Variants in PSD3 observed in about 807,000 individuals in gnomAD.
PSD3 encodes the protein pleckstrin and Sec7 domain containing 3.
A neutral mutation model predicts 105.5 loss-of-function variants in PSD3; 49 were observed. The ratio of observed to expected loss-of-function variants is 0.46; its 90% CI spans 0.37 to 0.59. PSD3 has a LOEUF of 0.59. PSD3 is among the 20% of genes least tolerant of loss of function. The pLI is 0.00. For missense variants in PSD3, 1,561 were observed against 1,263.8 expected (o/e 1.24, Z -3.57); for synonymous variants, 557 against 457.8 (o/e 1.22, Z -2.77).
At chr8:18,539,463 G>C (rs780818301) in intron 15 of PSD3, among the ~76,000 whole-genome samples, 4 of 151,824 alleles carry the variant, frequency 2.6e-5, no homozygotes, top group Non-Finnish European at 5.9e-5. Flanking sequence ...TTTTTCCTAA[G>C]ACCGATTGTG....
Position 18,956,351 on chromosome 8 carries a change from G to A in PSD3, c.22-20209C>T, listed in dbSNP as rs192852917. 8.8e-3 allele frequency among the ~76,000 whole-genome samples: 1,332 copies of A among 152,218 alleles called. 10 individuals carry two copies. Among genetic ancestry groups the A allele is most frequent in the Non-Finnish European group, 0.014 (933 of 68,004 alleles). ...GTTCTGATCCAGCAGGTCTGGGGTG[G>A]GGCCTGACAGTCTGCATTTCTAACA... On this transcript the variant is annotated intron_variant, in intron 1 of 15. Coordinates refer to ENST00000327040, the MANE Select transcript of PSD3 (RefSeq NM_015310.4).
chr8:18,774,138 A>C (rs2129444622), intron 8 of PSD3, among the ~76,000 whole-genome samples: 1 of 152,116 alleles, frequency 6.6e-6, no homozygotes, highest in East Asian at 1.9e-4. Context: ...GATCCTCTAC[A>C]CACAAGATCA....
chr8:18,852,624 G>C (rs142662745), intron 4 of PSD3, among the ~76,000 whole-genome samples: 1 of 152,130 alleles, frequency 6.6e-6, no homozygotes, highest in Admixed American at 6.5e-5. Context: ...CCCAGCCCCC[G>C]TTGCCACTGA....
chr8:18,880,506 A>G lies in PSD3; in HGVS notation c.131-7773T>C, dbSNP rs73202146. Among the ~76,000 whole-genome samples the G allele has an allele frequency of 2.3e-3, 347 of 152,246 alleles. 1 individual carries two copies. The highest frequency in any genetic ancestry group is 3.8e-3 in the Non-Finnish European group (259 of 68,002). ...CTTCTGACAATAGTACAGGTGAGAG[A>G]CGGTGAGTGCTAGAGCCAGAACAAA... On this transcript the variant is annotated intron_variant, in intron 2 of 15. Coordinates refer to ENST00000327040, the MANE Select transcript of PSD3 (RefSeq NM_015310.4).
At chr8:18,987,567 C>T (rs1408653867) in intron 1 of PSD3, among the ~76,000 whole-genome samples, 1 of 151,902 alleles carries the variant, frequency 6.6e-6, no homozygotes. Flanking sequence ...GCCTGTAATC[C>T]CAGTACTTTG....
At chr8:18,698,513 G>C (rs1426528842) in intron 9 of PSD3, among the ~76,000 whole-genome samples, 1 of 152,124 alleles carries the variant, frequency 6.6e-6, no homozygotes, top group Admixed American at 6.6e-5. Context: ...GGTGGAGAAA[G>C]GGGGTCATGA....
intron 2 of PSD3, among the ~76,000 whole-genome samples, chr8:18,930,758 C>T (rs750023657): frequency 1.1e-4 from 17 of 151,808 alleles, no homozygotes; most frequent in Admixed American, 5.9e-4. Context: ...TTAGTAGAGA[C>T]GGGGTTTCAC....
chr8:18,940,439 G>A (rs34904426), intron 1 of PSD3: 14,958 of 152,220 alleles, frequency 0.098, 804 homozygotes, highest in Middle Eastern at 0.25. Flanking sequence ...TTCAAAGTAC[G>A]CTCAGACTAT....
chr8:18,739,322 T>C (rs1473481), intron 9 of PSD3, among the ~76,000 whole-genome samples: 70,501 of 151,974 alleles, frequency 0.46, 19,318 homozygotes, highest in Non-Finnish European at 0.61. Context: ...AAAATAGGTG[T>C]TCCCATACTT....
At chr8:18,671,597 T>C (rs1231768125) in intron 9 of PSD3, among the ~76,000 whole-genome samples, 2 of 152,132 alleles carry the variant, frequency 1.3e-5, no homozygotes, top group South Asian at 2.1e-4. Context: ...CCAGAAGCCA[T>C]TGTGTTCACA....
intron 1 of PSD3, among the ~76,000 whole-genome samples, chr8:19,037,838 T>C (rs1431215435): frequency 2.6e-5 from 4 of 151,926 alleles, no homozygotes; most frequent in Admixed American, 1.3e-4. Context: ...TAGTGGATCA[T>C]GAGACTTTTT....
intron 9 of PSD3, among the ~76,000 whole-genome samples, chr8:18,736,887 T>C (rs931653355): frequency 2.6e-5 from 4 of 152,222 alleles, no homozygotes; most frequent in Non-Finnish European, 4.4e-5. Flanking sequence ...CTGATGGCAA[T>C]GAGCATTCTT....
Position 18,872,264 on chromosome 8 carries a change from T to G in PSD3, c.600A>C (p.Ser200=), listed in dbSNP as rs750586500. The G allele has an allele frequency of 1.2e-6, 2 of 1,614,124 alleles. No individual in the cohort carries two copies. ...AACTTTCCTCCGTTGTTACTTCAGC[T>G]GAAAGAGGTATTTCTGGTAAATTTT... ...GQKNLPEIPL[S]AEVTTEESFY... is the part of the protein sequence containing the mutation. Residue 200 remains serine, a synonymous_variant, in exon 3 of 16, where the codon TCA becomes TCC. Coordinates refer to ENST00000327040, the MANE Select transcript of PSD3 (RefSeq NM_015310.4).
rs531948796 is a variant in PSD3, at chr8:18,870,214, C to T, written c.1238+1412G>A. On this transcript the variant is annotated intron_variant, in intron 3 of 15. Transcript: ENST00000327040. ...GAACAAAAAAACAAAAAACAACCCT[C>T]GGCCTTGACACAGATGCTCTCCCGT... Among the ~76,000 whole-genome samples, 6 of 152,228 alleles carry T rather than the reference C, an allele frequency of 3.9e-5. No homozygotes were observed. In the East Asian group the frequency reaches 9.7e-4, roughly 25 times the overall value.
intron 15 of PSD3, among the ~76,000 whole-genome samples, chr8:18,540,514 G>A (rs1037234607): frequency 6.6e-6 from 1 of 152,136 alleles, no homozygotes; most frequent in African/African-American, 2.4e-5. Flanking sequence ...TAAAAGCTTT[G>A]CTCCTTCACT....
intron 14 of PSD3, among the ~76,000 whole-genome samples, chr8:18,571,785 CTG>C (rs887780040): frequency 6.6e-6 from 1 of 152,186 alleles, no homozygotes; most frequent in Non-Finnish European, 1.5e-5. Context: ...TAAGATAAAA[CTG>C]TCTCTATGTA....
chr8:18,819,855 G>T (rs1301696109), intron 4 of PSD3, among the ~76,000 whole-genome samples: 1 of 152,184 alleles, frequency 6.6e-6, no homozygotes, highest in South Asian at 2.1e-4. Flanking sequence ...GGGTTTACAG[G>T]CGTGAGCCTC....
In PSD3 at chr8:18,921,699, T is replaced by C. The variant is rs569358270; in HGVS notation, c.130+14335A>G. 1.4e-4 allele frequency among the ~76,000 whole-genome samples: 22 copies of C among 152,304 alleles called. No homozygotes were observed. The South Asian group carries it at 4.6e-3, about 32-fold the overall frequency. ...CTTGGGGTTGCAAAGTGTGACATAA[T>C]GAAACTCACAACTGGAACACATGGG... On this transcript the variant is annotated intron_variant, in intron 2 of 15. Transcript: ENST00000327040.
intron 12 of PSD3, 130 bp downstream of exon 12, chr8:18,600,234 T>C: frequency 2.4e-6 from 2 of 849,214 alleles, no homozygotes; most frequent in South Asian, 3.2e-5. Context: ...CGCTGAAAAT[T>C]TTTTAACATC....
Sources: gnomAD v4.1 joint callset for allele counts (sites outside exome capture counted in the v4.1 genomes callset) on GRCh38, gnomAD v4.1.1 for gene constraint, MANE v1.5 for transcripts, NCBI Gene and HGNC (gene_info 2026-07-23, HGNC 2026-07-21) for gene names.